CCDC12: variants seen among roughly 807,000 people sequenced by gnomAD.
CCDC12 encodes coiled-coil domain containing 12, also known as coiled-coil domain-containing protein 12.
A neutral mutation model predicts 25.7 loss-of-function variants in CCDC12; 28 were observed. The observed-to-expected ratio is 1.09, with a 90% CI of 0.81 to 1.50. The LOEUF (loss-of-function observed/expected upper bound fraction) is 1.50, where lower values mean the gene tolerates loss of function less well. Ranked by LOEUF, CCDC12 falls within the 40% of genes most tolerant of loss-of-function variation. The pLI is 0.00. For missense variants in CCDC12, 198 were observed against 210.0 expected, an observed-to-expected ratio of 0.94 and a Z score of 0.35; for synonymous variants, 75 against 87.7, an observed-to-expected ratio of 0.86 and a Z score of 0.81.
At chr3:46,948,767 G>A (rs554791441) in intron 1 of CCDC12, among the ~76,000 whole-genome samples, 4 of 152,336 alleles carry the variant, frequency 2.6e-5, no homozygotes, top group South Asian at 2.1e-4. Context: ...CGCCAGGCCC[G>A]TCACACGGCC....
intron 1 of CCDC12, among the ~76,000 whole-genome samples, chr3:46,947,180 T>TA (rs1222609028): frequency 6.6e-6 from 1 of 152,176 alleles, no homozygotes; most frequent in Non-Finnish European, 1.5e-5. Flanking sequence ...CCTAGCCCCC[T>TA]AAGAAGAGGC....
intron 1 of CCDC12, among the ~76,000 whole-genome samples, chr3:46,954,663 G>A (rs377598039): frequency 8.5e-5 from 12 of 141,894 alleles, no homozygotes; most frequent in African/African-American, 2.8e-4. Flanking sequence ...GGTGGCTCAC[G>A]CCTGGTAATC....
At chr3:46,964,142 G>A (rs2034559921) in intron 1 of CCDC12, among the ~76,000 whole-genome samples, 2 of 151,696 alleles carry the variant, frequency 1.3e-5, no homozygotes, top group Non-Finnish European at 2.9e-5. Flanking sequence ...TCTCTGCCCG[G>A]CCGCCCCGTC....
At chr3:46,961,255 T>C (rs1304698518) in intron 1 of CCDC12, among the ~76,000 whole-genome samples, 1 of 152,146 alleles carries the variant, frequency 6.6e-6, no homozygotes. Flanking sequence ...GAAACAAAAA[T>C]ATGAATTGCA....
chr3:46,921,767 T>TC lies in CCDC12; in HGVS notation c.*289_*290insG. The TC allele has an allele frequency of 2.7e-6, 1 of 364,436 alleles. No homozygotes were observed. Among genetic ancestry groups the TC allele is most frequent in the East Asian group, 5.2e-5 (1 of 19,190 alleles). The allele number at this position is 364,436 out of a possible 1,614,324, so 22.6% of individuals were successfully genotyped here. Reference sequence around the variant, plus strand: ...GGGTTTACTTGTTTCTATTTCCAGATTTTTTTTTAGAAAGTTCAAAATATA... The same window carrying TC: ...GGGTTTACTTGTTTCTATTTCCAGATCTTTTTTTTAGAAAGTTCAAAATATA... On this transcript the variant is annotated 3_prime_UTR_variant, in exon 7 of 7. Coordinates refer to ENST00000683445, the MANE Select transcript of CCDC12 (RefSeq NM_001277074.2).
chr3:46,927,695 G>A (rs114725581), intron 2 of CCDC12, among the ~76,000 whole-genome samples: 362 of 152,282 alleles, frequency 2.4e-3, no homozygotes, highest in African/African-American at 8.1e-3. Flanking sequence ...TCCACATTTA[G>A]AAACATTACG....
At chr3:46,965,417 G>A (rs1265557925) in intron 1 of CCDC12, among the ~76,000 whole-genome samples, 3 of 152,298 alleles carry the variant, frequency 2.0e-5, no homozygotes, top group South Asian at 2.1e-4. Flanking sequence ...GCTACATGGA[G>A]GGTGCTTCAG....
upstream of CCDC12, among the ~76,000 whole-genome samples, chr3:46,978,915 G>A (rs1389315041): frequency 2.6e-5 from 4 of 152,122 alleles, no homozygotes; most frequent in African/African-American, 4.8e-5. Context: ...CCCAGGAGGC[G>A]GAGATTGCAG....
chr3:46,972,029 C>G (rs757641554), intron 1 of CCDC12, among the ~76,000 whole-genome samples: 2 of 151,144 alleles, frequency 1.3e-5, no homozygotes, highest in Non-Finnish European at 3.0e-5. Context: ...AGGTTAGACC[C>G]TTACCTGTCC....
intron 1 of CCDC12, among the ~76,000 whole-genome samples, chr3:46,971,231 G>T (rs1280507018): frequency 2.0e-5 from 3 of 152,186 alleles, no homozygotes; most frequent in Non-Finnish European, 2.9e-5. Flanking sequence ...GCTTCCTCAG[G>T]CTCTGCCTGG....
intron 2 of CCDC12, among the ~76,000 whole-genome samples, chr3:46,932,427 A>G (rs996183935): frequency 1.2e-4 from 18 of 152,222 alleles, no homozygotes; most frequent in African/African-American, 3.9e-4. Flanking sequence ...TGAGACTTTT[A>G]AAGAGCCCAG....
At chr3:46,960,060 A>G (rs2034417409) in intron 1 of CCDC12, among the ~76,000 whole-genome samples, 1 of 151,966 alleles carries the variant, frequency 6.6e-6, no homozygotes, top group African/African-American at 2.4e-5. Flanking sequence ...TCCCCTGTCC[A>G]TGCCCTCCCT....
At chr3:46,948,365 G>C (rs2033987176) in intron 1 of CCDC12, among the ~76,000 whole-genome samples, 1 of 152,248 alleles carries the variant, frequency 6.6e-6, no homozygotes, top group Admixed American at 6.5e-5. Context: ...GGAGAACAGC[G>C]AGGCTAGAGA....
intron 2 of CCDC12, among the ~76,000 whole-genome samples, chr3:46,927,322 C>T (rs1025097504): frequency 6.6e-6 from 1 of 152,140 alleles, no homozygotes; most frequent in Non-Finnish European, 1.5e-5. Flanking sequence ...TCGTTCACAA[C>T]AGGGTGGGGA....
chr3:46,974,446 G>T (rs2034903793), intron 1 of CCDC12, among the ~76,000 whole-genome samples: 2 of 152,124 alleles, frequency 1.3e-5, no homozygotes. Context: ...TATTTTGTCC[G>T]TTGCATTCCG....
At chr3:46,927,643 G>C (rs1453282085) in intron 2 of CCDC12, among the ~76,000 whole-genome samples, 1 of 152,148 alleles carries the variant, frequency 6.6e-6, no homozygotes. Flanking sequence ...AGAACATCTA[G>C]ATCCCGACCA....
intron 2 of CCDC12, among the ~76,000 whole-genome samples, chr3:46,936,716 T>C (rs188360654): frequency 6.6e-6 from 1 of 152,066 alleles, no homozygotes; most frequent in African/African-American, 2.4e-5. Flanking sequence ...AGTCCCTAAA[T>C]TAAAGCAGAA....
At chr3:46,977,464 T>C (rs1575570240), upstream of CCDC12, among the ~76,000 whole-genome samples, 2 of 81,136 alleles carry the variant, frequency 2.5e-5, no homozygotes, top group Admixed American at 1.5e-4. Context: ...AGAGCAAGAC[T>C]CCGTCTCAAA....
At chr3:46,942,456 C>T (rs886188012) in intron 1 of CCDC12, among the ~76,000 whole-genome samples, 2 of 152,230 alleles carry the variant, frequency 1.3e-5, no homozygotes, top group Admixed American at 1.3e-4. Flanking sequence ...ACACAGAATG[C>T]GCTGGAGCCT....
Sources: allele counts gnomAD v4.1 joint callset (sites outside exome capture counted in the v4.1 genomes callset), GRCh38; gene constraint gnomAD v4.1.1; transcripts MANE v1.5; gene names NCBI Gene and HGNC (gene_info 2026-07-23, HGNC 2026-07-21).